The following PTPRG variants were observed in gnomAD, a reference collection of about 807,000 sequenced individuals.
PTPRG encodes the protein protein tyrosine phosphatase receptor type G, also known as receptor-type tyrosine-protein phosphatase gamma.
In PTPRG, 102 loss-of-function variants were observed where a neutral mutation model predicts 165.3. The observed-to-expected ratio is 0.62, with a 90% confidence interval of 0.53 to 0.73. The LOEUF is 0.73. Among genes scored for constraint, PTPRG ranks in the 30% least tolerant of loss-of-function variants. PTPRG has a pLI of 0.00. For missense variants in PTPRG, 1,866 were observed against 1,861.4 expected (o/e 1.00, Z -0.05); for synonymous variants, 675 against 669.5 (o/e 1.01, Z -0.13).
intron 4 of PTPRG, among the ~76,000 whole-genome samples, chr3:62,057,795 G>A (rs765755616): frequency 1.8e-4 from 27 of 152,154 alleles, no homozygotes; most frequent in Non-Finnish European, 3.7e-4. Context: ...GGGTCCTAAT[G>A]TGCTGTTTAA....
intron 1 of PTPRG, among the ~76,000 whole-genome samples, chr3:61,644,821 A>T (rs918867745): frequency 5.9e-5 from 9 of 152,192 alleles, no homozygotes; most frequent in African/African-American, 9.6e-5. Flanking sequence ...TAAGCTTTAG[A>T]TTGCTGGAAC....
At chr3:62,038,875 G>T (rs1311350579) in intron 4 of PTPRG, among the ~76,000 whole-genome samples, 1 of 152,076 alleles carries the variant, frequency 6.6e-6, no homozygotes, top group Non-Finnish European at 1.5e-5. Context: ...ATGGTAGTCT[G>T]TTGTATATTT....
intron 15 of PTPRG, among the ~76,000 whole-genome samples, chr3:62,246,799 T>C (rs1451800910): frequency 6.6e-6 from 1 of 152,186 alleles, no homozygotes; most frequent in Non-Finnish European, 1.5e-5. Context: ...TTATATTTTA[T>C]CCCTGCTCAA....
At chr3:62,115,734 T>C (rs890361546) in intron 5 of PTPRG, among the ~76,000 whole-genome samples, 3 of 151,938 alleles carry the variant, frequency 2.0e-5, no homozygotes, top group Admixed American at 2.0e-4. Flanking sequence ...ACAAGGGTTT[T>C]CCATTTTGCC....
In PTPRG at chr3:62,278,773, T is replaced by G. The variant is rs2148884196; in HGVS notation, c.3765+1094T>G. On this transcript the variant is annotated intron_variant, in intron 26 of 29. Transcript: ENST00000474889. ...AAGTTGAGAATCTTAAACTAAAAGCTGGAGTGTAAATTTTCAAATTAGCTG... is the reference window on the plus strand; with the variant it reads ...AAGTTGAGAATCTTAAACTAAAAGCGGGAGTGTAAATTTTCAAATTAGCTG... 2.0e-5 allele frequency among the ~76,000 whole-genome samples: 3 copies of G among 152,114 alleles called. No individual in the cohort carries two copies. The South Asian group carries it at 6.2e-4, about 32-fold the overall frequency.
At chr3:61,881,527 A>T (rs746753558) in intron 2 of PTPRG, among the ~76,000 whole-genome samples, 1 of 152,214 alleles carries the variant, frequency 6.6e-6, no homozygotes, top group Non-Finnish European at 1.5e-5. Context: ...CCGTCACTGC[A>T]TGCAGATCTG....
intron 2 of PTPRG, among the ~76,000 whole-genome samples, chr3:61,918,622 T>C (rs1249064460): frequency 1.3e-5 from 2 of 152,226 alleles, no homozygotes; most frequent in African/African-American, 4.8e-5. Context: ...ATTGTAACTT[T>C]AAGCTCAAAA....
At chr3:61,966,698 A>G (rs1575831703) in intron 2 of PTPRG, among the ~76,000 whole-genome samples, 1 of 151,780 alleles carries the variant, frequency 6.6e-6, no homozygotes, top group Non-Finnish European at 1.5e-5. Flanking sequence ...ACTTTTTGCT[A>G]CACTCTGTGG....
At chr3:61,658,528 A>G (rs929768115) in intron 1 of PTPRG, among the ~76,000 whole-genome samples, 1 of 152,178 alleles carries the variant, frequency 6.6e-6, no homozygotes, top group Non-Finnish European at 1.5e-5. Context: ...TCTAATGTCT[A>G]ACTTAGCTCC....
intron 2 of PTPRG, among the ~76,000 whole-genome samples, chr3:61,803,035 G>A (rs1000837099): frequency 1.3e-5 from 2 of 152,092 alleles, no homozygotes; most frequent in African/African-American, 4.8e-5. Context: ...AACTAATATT[G>A]GAACATAGCC....
chr3:62,149,202 G>T (rs115922159), intron 6 of PTPRG, among the ~76,000 whole-genome samples: 2 of 151,688 alleles, frequency 1.3e-5, no homozygotes, highest in South Asian at 2.1e-4. Context: ...CTGCTATAGA[G>T]AGCAAGTATT....
intron 7 of PTPRG, among the ~76,000 whole-genome samples, chr3:62,160,020 A>G (rs1381396084): frequency 6.6e-6 from 1 of 152,232 alleles, no homozygotes; most frequent in Non-Finnish European, 1.5e-5. Flanking sequence ...CGAACAGCCA[A>G]TTCGGAAAAG....
chr3:61,635,121 C>G (rs1701872719), intron 1 of PTPRG, among the ~76,000 whole-genome samples: 1 of 152,072 alleles, frequency 6.6e-6, no homozygotes, highest in African/African-American at 2.4e-5. Context: ...GACTTAACTT[C>G]TACTTGATGG....
chr3:61,630,881 T>C (rs6445228), intron 1 of PTPRG, among the ~76,000 whole-genome samples: 91,438 of 151,514 alleles, frequency 0.6, 28,689 homozygotes, highest in African/African-American at 0.79. Context: ...TATGGTAAAA[T>C]CGTGTCTCTA....
chr3:61,741,888 T>G (rs2033001232), intron 1 of PTPRG, among the ~76,000 whole-genome samples: 1 of 152,174 alleles, frequency 6.6e-6, no homozygotes, highest in East Asian at 1.9e-4. Flanking sequence ...CAGTAAGACA[T>G]TCATTGTACT....
At chr3:61,706,026 C>T (rs1199218452) in intron 1 of PTPRG, among the ~76,000 whole-genome samples, 1 of 152,168 alleles carries the variant, frequency 6.6e-6, no homozygotes, top group African/African-American at 2.4e-5. Context: ...AAGAGCAAGT[C>T]CCCCAAGTGT....
At chr3:62,095,653 G>A (rs1702084884) in intron 5 of PTPRG, among the ~76,000 whole-genome samples, 1 of 152,182 alleles carries the variant, frequency 6.6e-6, no homozygotes, top group African/African-American at 2.4e-5. Flanking sequence ...AGTTTATCAT[G>A]TAAATGTGCC....
At chr3:61,572,552 C>T (rs1049860795) in intron 1 of PTPRG, among the ~76,000 whole-genome samples, 3 of 152,126 alleles carry the variant, frequency 2.0e-5, no homozygotes, top group African/African-American at 7.2e-5. Flanking sequence ...ATTAAGAATG[C>T]ATTAAAAATC....
At chr3:61,887,145 TATATATATATATATATATA>T (rs1559670163) in intron 2 of PTPRG, among the ~76,000 whole-genome samples, 1 of 56,488 alleles carries the variant, frequency 1.8e-5, no homozygotes, top group African/African-American at 3.8e-5. Flanking sequence ...TATATATATA[TATATATATATATATATATA>T]TATATATTTT....
Sources: gnomAD v4.1 joint callset for allele counts (sites outside exome capture counted in the v4.1 genomes callset) on GRCh38, gnomAD v4.1.1 for gene constraint, MANE v1.5 for transcripts, NCBI Gene and HGNC (gene_info 2026-07-23, HGNC 2026-07-21) for gene names.